The following EDAR variants were observed in gnomAD, a reference collection of about 807,000 sequenced individuals.
EDAR encodes ectodysplasin A receptor.
In EDAR, 38 loss-of-function variants were observed where a neutral mutation model predicts 51.3. The observed-to-expected ratio is 0.74, with a 90% CI of 0.57 to 0.97. EDAR has a LOEUF of 0.97. EDAR is among the 50% of genes least tolerant of loss of function. The pLI is 0.00. For missense variants in EDAR, 528 were observed against 595.0 expected (o/e 0.89, Z 1.17); for synonymous variants, 227 against 242.1 (o/e 0.94, Z 0.58).
At chr2:108,913,602 T>C (rs1450629579) in intron 5 of EDAR, among the ~76,000 whole-genome samples, 2 of 151,908 alleles carry the variant, frequency 1.3e-5, no homozygotes, top group Non-Finnish European at 2.9e-5. Context: ...TTTGAAATAA[T>C]AGCTTCTTGA....
intron 1 of EDAR, among the ~76,000 whole-genome samples, chr2:108,954,632 T>C (rs182944807): frequency 2.0e-5 from 3 of 152,300 alleles, no homozygotes; most frequent in South Asian, 2.1e-4. Context: ...CTCTGTCACA[T>C]TCCCTCAGTG....
chr2:108,952,152 T>C (rs2104371454), intron 1 of EDAR, among the ~76,000 whole-genome samples: 1 of 152,320 alleles, frequency 6.6e-6, no homozygotes, highest in South Asian at 2.1e-4. Flanking sequence ...TTTGATATCA[T>C]CTCAAGGACC....
intron 1 of EDAR, among the ~76,000 whole-genome samples, chr2:108,984,908 C>G (rs1455316353): frequency 6.6e-6 from 1 of 152,192 alleles, no homozygotes; most frequent in Non-Finnish European, 1.5e-5. Context: ...TGCCTGCTTC[C>G]TCCTGTGCAT....
chr2:108,933,424 G>A (rs1697407410), intron 1 of EDAR, among the ~76,000 whole-genome samples: 1 of 152,118 alleles, frequency 6.6e-6, no homozygotes, highest in Non-Finnish European at 1.5e-5. Flanking sequence ...GGGTCCCAGG[G>A]GAGATCCCAG....
intron 1 of EDAR, among the ~76,000 whole-genome samples, chr2:108,984,348 G>C (rs1381490820): frequency 2.6e-5 from 4 of 152,154 alleles, no homozygotes; most frequent in Non-Finnish European, 5.9e-5. Flanking sequence ...GAACAACACA[G>C]GGCGTGAGCC....
In EDAR at chr2:108,977,128, C is replaced by T. The variant is rs76102605; in HGVS notation, c.-19+11832G>A. ...GCACTGATGATTCCAGTGGCCCCCA[C>T]TGGCCCGGGCCTGGGTTTTCCTAGA... On this transcript the variant is annotated intron_variant, in intron 1 of 11. Transcript: ENST00000258443. Among the ~76,000 whole-genome samples the T allele has an allele frequency of 3.5e-4, 54 of 152,274 alleles. 4 individuals are homozygous for T. The East Asian group carries it at 0.01, about 29-fold the overall frequency.
intron 1 of EDAR, among the ~76,000 whole-genome samples, chr2:108,936,422 C>T (rs13427222): frequency 0.66 from 99,701 of 152,028 alleles, 35,099 homozygotes; most frequent in Middle Eastern, 0.81. Flanking sequence ...TCTTCCATGG[C>T]GGGAGGCAAG....
intron 1 of EDAR, among the ~76,000 whole-genome samples, chr2:108,932,453 C>T (rs1459429670): frequency 1.4e-5 from 2 of 142,756 alleles, no homozygotes; most frequent in East Asian, 2.1e-4. Context: ...GGCATGAACC[C>T]GGGAGGCGGA....
At chr2:108,930,364 G>A (rs982632274) in intron 2 of EDAR, 122 bp from the exon 3 acceptor site, 191 of 1,024,084 alleles carry the variant, frequency 1.9e-4, no homozygotes, top group Non-Finnish European at 2.6e-4. Context: ...CTGGGGGCTC[G>A]GTCTGGGAAG....
intron 1 of EDAR, among the ~76,000 whole-genome samples, chr2:108,963,557 T>C (rs959233771): frequency 1.3e-5 from 2 of 152,190 alleles, no homozygotes; most frequent in Non-Finnish European, 2.9e-5. Context: ...TGATGGCACC[T>C]GCACAGTAGT....
At chr2:108,906,081 A>G (rs1192892026) in intron 11 of EDAR, among the ~76,000 whole-genome samples, 1 of 149,404 alleles carries the variant, frequency 6.7e-6, no homozygotes, top group Admixed American at 6.6e-5. Context: ...CTCCCGCCCC[A>G]TGAGGGGAAG....
chr2:108,903,138 T>C lies in EDAR; in HGVS notation c.1024+3170A>G, dbSNP rs112024636. Among the ~76,000 whole-genome samples the C allele has an allele frequency of 5.3e-3, 811 of 152,256 alleles. 10 individuals carry two copies. Among genetic ancestry groups the C allele is most frequent in the African/African-American group, 0.016 (679 of 41,540 alleles). The stretch of plus-strand genomic sequence containing the variant: ...ATGGCTACTGAATTTAAATTGTCGT[T>C]TACAGTGGCTCAAAAAATAAATGAT... On this transcript the variant is annotated intron_variant, in intron 11 of 11. Coordinates refer to ENST00000258443, the MANE Select transcript of EDAR (RefSeq NM_022336.4).
At chr2:108,956,132 C>T (rs957789529) in intron 1 of EDAR, among the ~76,000 whole-genome samples, 1 of 152,200 alleles carries the variant, frequency 6.6e-6, no homozygotes, top group African/African-American at 2.4e-5. Context: ...TTAACAACAG[C>T]CTTTTTAATG....
chr2:108,942,693 C>A (rs970076568), intron 1 of EDAR, among the ~76,000 whole-genome samples: 1 of 152,262 alleles, frequency 6.6e-6, no homozygotes, highest in African/African-American at 2.4e-5. Context: ...CAGCGCGTTC[C>A]TGTTCCCGCC....
chr2:108,972,190 G>C (rs1698246896), intron 1 of EDAR, among the ~76,000 whole-genome samples: 1 of 152,266 alleles, frequency 6.6e-6, no homozygotes, highest in South Asian at 2.1e-4. Flanking sequence ...ACATTTGGGA[G>C]TCATTTATTA....
chr2:108,927,853 C>A (rs1345800554), intron 4 of EDAR, among the ~76,000 whole-genome samples: 1 of 152,168 alleles, frequency 6.6e-6, no homozygotes, highest in Admixed American at 6.5e-5. Context: ...TGACAAATGG[C>A]ACTATTTCCA....
rs143248098 is a variant in EDAR, at chr2:108,927,298, C to T, written c.356+1900G>A. ...CAGGTCACTGTCCCATGGAGTAGGG[C>T]GGGAGGCATCAAGATTCCAGCACTG... On this transcript the variant is annotated intron_variant, in intron 4 of 11. Coordinates refer to ENST00000258443, the MANE Select transcript of EDAR (RefSeq NM_022336.4). Among the ~76,000 whole-genome samples, 75 of 152,192 alleles carry T rather than the reference C, an allele frequency of 4.9e-4. No homozygotes were observed. In the East Asian group the frequency reaches 0.012, roughly 24 times the overall value.
At chr2:108,897,429 G>A (rs1214866435) in intron 11 of EDAR, among the ~76,000 whole-genome samples, 200 bp from the exon 12 acceptor site, 1 of 152,132 alleles carries the variant, frequency 6.6e-6, no homozygotes, top group Admixed American at 6.5e-5. Flanking sequence ...AGAGAGGGCT[G>A]TGCATGTACC....
intron 1 of EDAR, among the ~76,000 whole-genome samples, chr2:108,958,510 G>A (rs890800336): frequency 6.6e-6 from 1 of 151,966 alleles, no homozygotes; most frequent in African/African-American, 2.4e-5. Flanking sequence ...CAGGCAGGGG[G>A]CAGAACAGGG....
Sources: gnomAD v4.1 joint callset for allele counts (sites outside exome capture counted in the v4.1 genomes callset) on GRCh38, gnomAD v4.1.1 for gene constraint, MANE v1.5 for transcripts, NCBI Gene and HGNC (gene_info 2026-07-23, HGNC 2026-07-21) for gene names.